Variants in EPHA6 observed in about 807,000 individuals in gnomAD.
The protein encoded by EPHA6 is EPH receptor A6.
A neutral mutation model predicts 112.0 loss-of-function variants in EPHA6; 50 were observed. The observed-to-expected ratio is 0.45, with a 90% confidence interval of 0.36 to 0.56. The LOEUF is 0.56. Among genes scored for constraint, EPHA6 ranks in the 20% least tolerant of loss-of-function variants. EPHA6 has a pLI of 0.00. For synonymous variants in EPHA6, 529 were observed against 490.7 expected (o/e 1.08, Z -1.03); for missense variants, 1,280 against 1,417.4 (o/e 0.90, Z 1.56).
chr3:97,039,980 T>A (rs1241060153), intron 3 of EPHA6, among the ~76,000 whole-genome samples: 1 of 151,920 alleles, frequency 6.6e-6, no homozygotes, highest in East Asian at 1.9e-4. Context: ...AAACTGGACC[T>A]ATCATCCTGT....
intron 3 of EPHA6, among the ~76,000 whole-genome samples, chr3:97,097,697 T>C (rs942967145): frequency 1.3e-5 from 2 of 151,952 alleles, no homozygotes; most frequent in Non-Finnish European, 2.9e-5. Context: ...ATCTGTCTTA[T>C]GTCAAGCCTG....
At chr3:97,232,736 T>G (rs368977908) in intron 4 of EPHA6, among the ~76,000 whole-genome samples, 14 of 152,188 alleles carry the variant, frequency 9.2e-5, no homozygotes, top group Non-Finnish European at 1.6e-4. Context: ...GCAGGCACCT[T>G]GACAGTTCCA....
At chr3:96,825,943 CA>C (rs1231034222) in intron 1 of EPHA6, among the ~76,000 whole-genome samples, 1 of 151,536 alleles carries the variant, frequency 6.6e-6, no homozygotes, top group Non-Finnish European at 1.5e-5. Context: ...ATTATTTAGT[CA>C]AAAATTAGAG....
chr3:97,656,103 G>A (rs1033676250), intron 14 of EPHA6, among the ~76,000 whole-genome samples: 3 of 151,830 alleles, frequency 2.0e-5, no homozygotes, highest in Non-Finnish European at 2.9e-5. Flanking sequence ...AACAATATAT[G>A]TTATAAAACT....
intron 12 of EPHA6, among the ~76,000 whole-genome samples, chr3:97,607,002 A>G (rs1367946073): frequency 6.6e-6 from 1 of 151,094 alleles, no homozygotes; most frequent in Non-Finnish European, 1.5e-5. Flanking sequence ...AAATAACTGA[A>G]TGACTTAAAT....
Position 97,690,863 on chromosome 3 carries a change from A to G in EPHA6, c.2785-29398A>G, listed in dbSNP as rs188415525. Among the ~76,000 whole-genome samples, 48 of 152,326 alleles carry G rather than the reference A, an allele frequency of 3.2e-4. 1 individual carries two copies. The East Asian group carries it at 9.2e-3, about 29-fold the overall frequency. ...ATACAAGTCTCTTATCAGATAGTAT[A>G]TGATTTGTAAATATTATCTTCCATT... On this transcript the variant is annotated intron_variant, in intron 14 of 17. Transcript: ENST00000389672.
intron 16 of EPHA6, among the ~76,000 whole-genome samples, chr3:97,743,362 T>C (rs1470045435): frequency 6.6e-6 from 1 of 152,084 alleles, no homozygotes; most frequent in Non-Finnish European, 1.5e-5. Flanking sequence ...GATGTGTTCC[T>C]GCCCTCGGGG....
chr3:97,527,163 C>A (rs1235569781), intron 10 of EPHA6, among the ~76,000 whole-genome samples: 10 of 152,142 alleles, frequency 6.6e-5, no homozygotes, highest in Non-Finnish European at 8.8e-5. Flanking sequence ...GTGCATGATT[C>A]CTCCCAGCCC....
intron 11 of EPHA6, among the ~76,000 whole-genome samples, chr3:97,584,911 TA>T (rs1458697044): frequency 1.3e-5 from 2 of 152,216 alleles, no homozygotes; most frequent in Non-Finnish European, 2.9e-5. Flanking sequence ...AAAGAGAAGA[TA>T]AATAACTTAT....
intron 13 of EPHA6, 117 bp from the exon 14 acceptor site, chr3:97,637,756 A>G (rs1416577917): frequency 1.8e-5 from 14 of 757,152 alleles, no homozygotes; most frequent in Non-Finnish European, 2.6e-5. Context: ...GTGATCACCA[A>G]AGTTGATGCT....
rs144724582 is a variant in EPHA6, at chr3:97,244,979, C to T, written c.1606+692C>T. Among the ~76,000 whole-genome samples the T allele has an allele frequency of 6.4e-3, 967 of 151,950 alleles. 12 individuals carry two copies. The highest frequency in any genetic ancestry group is 0.022 in the African/African-American group (931 of 41,478). ...CATAATTATATTGCAGACCAGGAAACAAGAAAAGCTTCAGAGATTTTTAAA... is the reference window on the plus strand; with the variant it reads ...CATAATTATATTGCAGACCAGGAAATAAGAAAAGCTTCAGAGATTTTTAAA... On this transcript the variant is annotated intron_variant, in intron 5 of 17. Transcript: ENST00000389672.
chr3:96,930,937 A>G (rs1332258642), intron 2 of EPHA6, among the ~76,000 whole-genome samples: 4 of 143,272 alleles, frequency 2.8e-5, no homozygotes, highest in Non-Finnish European at 6.0e-5. Flanking sequence ...GGTTGTGGTG[A>G]GCCAAGGTCA....
chr3:96,921,978 T>G (rs901753960), intron 2 of EPHA6, among the ~76,000 whole-genome samples: 5 of 152,114 alleles, frequency 3.3e-5, no homozygotes, highest in Non-Finnish European at 5.9e-5. Context: ...GTGAATCAAC[T>G]GAAGTTGATT....
chr3:96,981,963 T>C (rs182447539), intron 2 of EPHA6, among the ~76,000 whole-genome samples: 3 of 152,152 alleles, frequency 2.0e-5, no homozygotes, highest in African/African-American at 4.8e-5. Context: ...TTATTAGTCC[T>C]GCTAGCGGTC....
rs758764942 is a variant in EPHA6 at position 97,748,871 on chromosome 3, A to G, written c.*170A>G. The stretch of plus-strand genomic sequence containing the variant: ...TGCTTCCAACCAGGATTTTAAAATC[A>G]TGCTACATAAATCCGTTCTGAATAA... On this transcript the variant is annotated 3_prime_UTR_variant, in exon 18 of 18. Coordinates refer to ENST00000389672, the MANE Select transcript of EPHA6 (RefSeq NM_001080448.3). 10 of 592,400 alleles carry G rather than the reference A, an allele frequency of 1.7e-5. No homozygotes were observed. The highest frequency in any genetic ancestry group is 2.7e-5 in the Non-Finnish European group (9 of 328,600). The allele number at this position is 592,400 out of a possible 1,614,324, so 36.7% of individuals were successfully genotyped here.
intron 13 of EPHA6, among the ~76,000 whole-genome samples, chr3:97,636,884 A>AT (rs1213368613): frequency 6.6e-6 from 1 of 152,128 alleles, no homozygotes; most frequent in Non-Finnish European, 1.5e-5. Context: ...TGCATGATGT[A>AT]TAAAAAAAAG....
chr3:97,201,817 AC>A (rs1368700533), intron 3 of EPHA6, among the ~76,000 whole-genome samples: 1 of 152,136 alleles, frequency 6.6e-6, no homozygotes, highest in Non-Finnish European at 1.5e-5. Flanking sequence ...ATATGCAGCA[AC>A]ACATAGGCCT....
intron 6 of EPHA6, among the ~76,000 whole-genome samples, chr3:97,421,152 A>T (rs190547246): frequency 2.4e-4 from 37 of 152,230 alleles, no homozygotes; most frequent in Non-Finnish European, 2.9e-5. Flanking sequence ...CATTATCAAT[A>T]GTTTCTACTA....
intron 2 of EPHA6, among the ~76,000 whole-genome samples, chr3:96,914,196 G>T (rs1216925768): frequency 6.6e-6 from 1 of 152,004 alleles, no homozygotes; most frequent in Non-Finnish European, 1.5e-5. Flanking sequence ...TTTATAATTT[G>T]TTAACAATGA....
Sources: allele counts gnomAD v4.1 joint callset (sites outside exome capture counted in the v4.1 genomes callset), GRCh38; gene constraint gnomAD v4.1.1; transcripts MANE v1.5; gene names NCBI Gene and HGNC (gene_info 2026-07-23, HGNC 2026-07-21).